RYR3: variants seen among roughly 807,000 people sequenced by gnomAD.
RYR3 encodes the protein brain ryanodine receptor-calcium release channel.
RYR3 carries 207 observed loss-of-function variants against 584.3 expected under a neutral mutation model. The observed-to-expected ratio is 0.35, with a 90% CI of 0.32 to 0.40. The LOEUF (loss-of-function observed/expected upper bound fraction) is 0.40. Ranked by LOEUF, RYR3 falls within the 10% of genes least tolerant of loss-of-function variation. The probability of loss-of-function intolerance (pLI) is 1.00; values close to 1 mark genes in which losing one functional copy is unlikely to be tolerated. For synonymous variants in RYR3, 2,416 were observed against 2,248.5 expected, an observed-to-expected ratio of 1.07 and a Z score of -2.11; for missense variants, 5,616 against 6,089.2, an observed-to-expected ratio of 0.92 and a Z score of 2.59.
At chr15:33,399,516 T>C (rs2042505946) in intron 1 of RYR3, among the ~76,000 whole-genome samples, 1 of 152,094 alleles carries the variant, frequency 6.6e-6, no homozygotes, top group South Asian at 2.1e-4. Context: ...CCGGCGCCTG[T>C]ATTCCCAGCT....
chr15:33,560,276 T>C (rs1309249610), intron 10 of RYR3, among the ~76,000 whole-genome samples: 89 of 152,242 alleles, frequency 5.8e-4, no homozygotes, highest in Admixed American at 5.8e-3. Flanking sequence ...ATTTTGTCTC[T>C]AGATCTTTGT....
chr15:33,736,425 A>C, intron 49 of RYR3, 100 bp downstream of exon 49: 1 of 801,210 alleles, frequency 1.2e-6, no homozygotes. Context: ...ATACATGCTA[A>C]ATGGGTTTTA....
At chr15:33,323,636 C>T (rs1257650245) in intron 1 of RYR3, among the ~76,000 whole-genome samples, 4 of 152,178 alleles carry the variant, frequency 2.6e-5, no homozygotes, top group Non-Finnish European at 4.4e-5. Context: ...CTCCCACCTG[C>T]GCCCTGGAAG....
intron 1 of RYR3, among the ~76,000 whole-genome samples, chr15:33,332,973 G>A (rs1430857622): frequency 6.8e-6 from 1 of 147,500 alleles, no homozygotes; most frequent in African/African-American, 2.5e-5. Context: ...AAGTAAATGG[G>A]TCTGTCTGTG....
intron 1 of RYR3, among the ~76,000 whole-genome samples, chr15:33,435,667 C>G (rs958930614): frequency 6.6e-6 from 1 of 152,180 alleles, no homozygotes; most frequent in African/African-American, 2.4e-5. Context: ...CGACCTCAAG[C>G]GTTACAGCTC....
chr15:33,362,574 A>G (rs1974930377), intron 1 of RYR3, among the ~76,000 whole-genome samples: 1 of 152,186 alleles, frequency 6.6e-6, no homozygotes, highest in Admixed American at 6.5e-5. Context: ...TGTCCTACTT[A>G]GGAGGACCCA....
intron 46 of RYR3, among the ~76,000 whole-genome samples, chr15:33,728,216 C>T (rs1208478158): frequency 2.6e-5 from 4 of 152,158 alleles, no homozygotes; most frequent in African/African-American, 9.7e-5. Context: ...TCACCATGGC[C>T]AATTTCAAGC....
intron 32 of RYR3, among the ~76,000 whole-genome samples, chr15:33,654,223 G>A (rs62010548): frequency 0.015 from 2,339 of 152,162 alleles, 27 homozygotes; most frequent in Middle Eastern, 0.037. Flanking sequence ...AGGAAAAAGC[G>A]TTTTTACGGG....
intron 31 of RYR3, among the ~76,000 whole-genome samples, chr15:33,651,616 C>T (rs1003134566): frequency 6.6e-6 from 1 of 152,160 alleles, no homozygotes; most frequent in Admixed American, 6.5e-5. Context: ...AAGCAACTCT[C>T]AGAGTTTACA....
At position 33,652,819 on chromosome 15, in the gene RYR3, T is replaced by A; in HGVS notation, c.4244T>A (p.Val1415Glu). 6.2e-7 allele frequency: 1 copy of A among 1,613,916 alleles called. No individual in the cohort carries two copies. Among genetic ancestry groups the A allele is most frequent in the Non-Finnish European group, 8.5e-7 (1 of 1,179,866 alleles). ...GTGGACCTGGAGATCGGCTGTCTCG[T>A]GGATCTGGCCATGGGCATGTTGTCC... ...SNVDLEIGCL[V>E]DLAMGMLSFS... Residue 1415 changes from valine to glutamate, a missense_variant, in exon 32 of 104, where the codon GTG (valine) becomes GAG (glutamate). Transcript: ENST00000634891.
chr15:33,805,847 GTC>G (rs751191262), intron 69 of RYR3, among the ~76,000 whole-genome samples: 19 of 151,652 alleles, frequency 1.3e-4, no homozygotes, highest in East Asian at 3.9e-4. Flanking sequence ...TGCATACTCT[GTC>G]TCTCTCTCTC....
In RYR3 at chr15:33,848,826, C is replaced by CTTTTTTT. The variant is rs769204969; in HGVS notation, c.13628+426_13628+432dup. Among the ~76,000 whole-genome samples, 26 of 75,250 alleles carry CTTTTTTT rather than the reference C, an allele frequency of 3.5e-4. 1 individual carries two copies. Among genetic ancestry groups the CTTTTTTT allele is most frequent in the South Asian group, 1.2e-3 (2 of 1,656 alleles). 49.4% of individuals were successfully genotyped at this position (75,250 alleles called of 152,430 possible). On this transcript the variant is annotated intron_variant, in intron 94 of 103. Transcript: ENST00000634891. ...CTATAACTGCCATCTCTGAAGTCCT[C>CTTTTTTT]TTTTTTTTTTTTTTTTTTTTTTTTT...
intron 1 of RYR3, among the ~76,000 whole-genome samples, chr15:33,339,036 G>A (rs1307892537): frequency 1.3e-5 from 2 of 152,184 alleles, no homozygotes. Context: ...TCCGAAGACT[G>A]GTCATATTCT....
Position 33,697,962 on chromosome 15 carries a change from T to C in RYR3, c.6215T>C (p.Val2072Ala), listed in dbSNP as rs763060783. The change falls in exon 40 of 104, where the codon GTG becomes GCG. Residue 2072 changes from valine (V) to alanine (A), a missense_variant. Physicochemically the swap from Val to Ala is moderately conservative, Grantham distance 64. Coordinates refer to ENST00000634891, the MANE Select transcript of RYR3 (RefSeq NM_001036.6). ...GGCATGCACGAGACGGTGATGGAGG[T>C]GATGGTGAACGTGTTGGGTACAGAG... ...VLGMHETVME[V>A]MVNVLGTEKS... 2 of 1,613,208 alleles carry C rather than the reference T, an allele frequency of 1.2e-6. No homozygotes were observed. The highest frequency in any genetic ancestry group is 3.3e-5 in the Admixed American group (2 of 59,960).
At chr15:33,503,488 A>G (rs1232862373) in intron 2 of RYR3, 143 bp from the exon 3 acceptor site, 4 of 601,726 alleles carry the variant, frequency 6.6e-6, no homozygotes, top group Non-Finnish European at 1.2e-5. Flanking sequence ...CATCTTGAAC[A>G]GGAGAAAGCC....
chr15:33,405,740 C>T (rs1394243671), intron 1 of RYR3, among the ~76,000 whole-genome samples: 1 of 152,144 alleles, frequency 6.6e-6, no homozygotes, highest in African/African-American at 2.4e-5. Context: ...ACTTGTTAAT[C>T]GAACTGGGTA....
At chr15:33,752,917 G>C (rs573289899) in intron 57 of RYR3, among the ~76,000 whole-genome samples, 15 of 152,190 alleles carry the variant, frequency 9.9e-5, no homozygotes, top group Middle Eastern at 6.8e-3. Flanking sequence ...GTCATAAATA[G>C]CTCTTATTAT....
At chr15:33,364,321 T>C (rs553896645) in intron 1 of RYR3, among the ~76,000 whole-genome samples, 1 of 152,318 alleles carries the variant, frequency 6.6e-6, no homozygotes, top group South Asian at 2.1e-4. Context: ...TTCACTCTCC[T>C]TTTTCTCTGA....
At chr15:33,575,638 A>G (rs1290113056) in intron 12 of RYR3, among the ~76,000 whole-genome samples, 1 of 152,182 alleles carries the variant, frequency 6.6e-6, no homozygotes, top group Admixed American at 6.5e-5. Flanking sequence ...AGTTTATAGC[A>G]CTAAATGCCC....
Sources: allele counts gnomAD v4.1 joint callset (sites outside exome capture counted in the v4.1 genomes callset), GRCh38; gene constraint gnomAD v4.1.1; transcripts MANE v1.5; gene names NCBI Gene and HGNC (gene_info 2026-07-23, HGNC 2026-07-21).